Variants in TCF4 observed in about 807,000 individuals in gnomAD.
TCF4 encodes SL3-3 enhancer factor 2.
TCF4 carries 3 observed loss-of-function variants against 82.1 expected under a neutral mutation model. That is an observed-to-expected ratio of 0.04 (90% CI 0.02 to 0.09). TCF4 has a LOEUF of 0.09. Ranked by LOEUF, TCF4 falls within the 10% of genes least tolerant of loss-of-function variation. The probability of loss-of-function intolerance (pLI) is 1.00; values close to 1 mark genes in which losing one functional copy is unlikely to be tolerated. For synonymous variants in TCF4, 276 were observed against 309.6 expected (o/e 0.89, Z 1.14); for missense variants, 518 against 852.7 (o/e 0.61, Z 4.89).
chr18:55,320,207 G>A (rs2075152367), intron 8 of TCF4, among the ~76,000 whole-genome samples: 1 of 151,016 alleles, frequency 6.6e-6, no homozygotes, highest in South Asian at 2.1e-4. Flanking sequence ...AAAAAAAGAT[G>A]TTACATAATC....
At chr18:55,505,942 T>A (rs17512480) in intron 3 of TCF4, among the ~76,000 whole-genome samples, 3,515 of 152,280 alleles carry the variant, frequency 0.023, 74 homozygotes, top group Non-Finnish European at 0.028. Flanking sequence ...TAAAGATTAC[T>A]GCAAAAATGA....
intron 2 of TCF4, among the ~76,000 whole-genome samples, chr18:55,623,535 T>C (rs1284189618): frequency 6.6e-6 from 1 of 152,234 alleles, no homozygotes; most frequent in Admixed American, 6.5e-5. Context: ...CACAAATGAA[T>C]ACTATGTGAA....
intron 3 of TCF4, among the ~76,000 whole-genome samples, chr18:55,532,200 C>G (rs1049939741): frequency 1.3e-5 from 2 of 152,234 alleles, no homozygotes; most frequent in Non-Finnish European, 2.9e-5. Context: ...GCTTGTACTT[C>G]ATGAAGTGAA....
intron 16 of TCF4, 48 bp downstream of exon 16, chr18:55,234,500 T>C (rs775965526): frequency 6.2e-7 from 1 of 1,613,792 alleles, no homozygotes; most frequent in Non-Finnish European, 8.5e-7. Flanking sequence ...TCAACACTGG[T>C]CCTATTGTGA....
intron 2 of TCF4, among the ~76,000 whole-genome samples, chr18:55,619,980 G>C (rs1423668671): frequency 6.6e-6 from 1 of 152,128 alleles, no homozygotes; most frequent in Non-Finnish European, 1.5e-5. Context: ...GGAGAGACCA[G>C]GTGAAAGCAA....
At chr18:55,264,918 G>A (rs561997640) in intron 11 of TCF4, 1 of 152,288 alleles carries the variant, frequency 6.6e-6, no homozygotes, top group South Asian at 2.1e-4. Context: ...TTTGTAGGAG[G>A]CTTCGACACT....
At chr18:55,586,297 C>G (rs2097650691) in intron 2 of TCF4, 1 of 824,100 alleles carries the variant, frequency 1.2e-6, no homozygotes, top group Admixed American at 2.2e-5. Context: ...TTTTATTTTG[C>G]TTTACAAATG....
rs2046959372 is a variant in TCF4, at chr18:55,228,450, T to C, written c.1880-89A>G. 11 of 1,542,388 alleles carry C rather than the reference T, an allele frequency of 7.1e-6. No homozygotes were observed. In the Admixed American group the frequency reaches 1.7e-4, roughly 23 times the overall value. ...GCACTCTTCTTGCGTGTCTGACCTTTTTCTCAGTGTTTATATTACAGAACA... is the reference window on the plus strand; with the variant it reads ...GCACTCTTCTTGCGTGTCTGACCTTCTTCTCAGTGTTTATATTACAGAACA... On this transcript the variant is annotated intron_variant, in intron 18 of 19. Transcript: ENST00000354452.
rs140127902 is a variant in TCF4 at position 55,298,562 on chromosome 18, G to A, written c.550-18906C>T. Among the ~76,000 whole-genome samples, 390 of 152,274 alleles carry A rather than the reference G, an allele frequency of 2.6e-3. 3 individuals are homozygous for A. Among genetic ancestry groups the A allele is most frequent in the African/African-American group, 8.5e-3 (354 of 41,554 alleles). ...CTTCTCAGTATATCACTCTTCAAAC[G>A]TAGCTAATAGTGGCATGAGCAGCAA... On this transcript the variant is annotated intron_variant, in intron 8 of 19. Transcript: ENST00000354452.
intron 3 of TCF4, among the ~76,000 whole-genome samples, chr18:55,499,078 CA>C (rs1286450339): frequency 1.3e-5 from 2 of 152,116 alleles, no homozygotes; most frequent in African/African-American, 4.8e-5. Context: ...CCAAGAAATG[CA>C]AATGTTAGCC....
In TCF4 at chr18:55,500,940, TAAAG is replaced by T. The variant is rs148357140; in HGVS notation, c.146-36807_146-36804del. ...TGGATATTTGGGGAAAGACAAGTGA[TAAAG>T]AAACAGAAAAATTCTGACTCACTCT... On this transcript the variant is annotated intron_variant, in intron 3 of 19. Transcript: ENST00000354452. Among the ~76,000 whole-genome samples, 106 of 152,314 alleles carry T rather than the reference TAAAG, an allele frequency of 7.0e-4. 1 individual carries two copies. Among genetic ancestry groups the T allele is most frequent in the African/African-American group, 2.4e-3 (98 of 41,570 alleles).
At chr18:55,579,952 C>T (rs2097561147) in intron 3 of TCF4, among the ~76,000 whole-genome samples, 1 of 152,020 alleles carries the variant, frequency 6.6e-6, no homozygotes, top group South Asian at 2.1e-4. Flanking sequence ...GAGCAATTAA[C>T]AGCATAAACT....
At position 55,222,481 on chromosome 18, in the gene TCF4, GA is replaced by G. The variant is rs71670792; in HGVS notation, c.*5553del. The G allele has an allele frequency of 9.6e-3, 1,373 of 143,440 alleles. 24 individuals carry two copies. The highest frequency in any genetic ancestry group is 0.028 in the African/African-American group (1,093 of 38,642). The allele number at this position is 143,440 out of a possible 1,614,324, so 8.9% of individuals were successfully genotyped here. On this transcript the variant is annotated 3_prime_UTR_variant, in exon 20 of 20. Coordinates refer to ENST00000354452, the MANE Select transcript of TCF4 (RefSeq NM_001083962.2). ...ATCTGCAAACAGTCCAACCAAAAAC[GA>G]AAAAAAAAAAAATCCCAACATTTGG...
chr18:55,426,375 T>C (rs908034217), intron 5 of TCF4, among the ~76,000 whole-genome samples: 4 of 152,128 alleles, frequency 2.6e-5, no homozygotes, highest in Non-Finnish European at 4.4e-5. Flanking sequence ...ATCTACTTCT[T>C]TGGGGAAGAC....
chr18:55,626,663 G>A (rs1464582118), intron 2 of TCF4, among the ~76,000 whole-genome samples: 1 of 152,158 alleles, frequency 6.6e-6, no homozygotes, highest in Admixed American at 6.5e-5. Flanking sequence ...GCTTGACCAG[G>A]AGTGTAAAAG....
At chr18:55,635,563 G>A (rs1483121149) in intron 1 of TCF4, 19 of 1,067,664 alleles carry the variant, frequency 1.8e-5, no homozygotes, top group Non-Finnish European at 2.3e-5. Context: ...AAGAGGGCAG[G>A]CCAAGTGCTG....
At chr18:55,300,097 TATACAC>T (rs1568829850) in intron 8 of TCF4, among the ~76,000 whole-genome samples, 1 of 145,392 alleles carries the variant, frequency 6.9e-6, no homozygotes, top group Admixed American at 6.7e-5. Context: ...CACATACAGA[TATACAC>T]ACACACACAC....
At chr18:55,275,547 G>T in intron 10 of TCF4, 72 bp downstream of exon 10, 1 of 1,600,420 alleles carries the variant, frequency 6.2e-7, no homozygotes, top group South Asian at 1.1e-5. Flanking sequence ...TTGTGTATAT[G>T]CATGGAAAGA....
intron 3 of TCF4, among the ~76,000 whole-genome samples, chr18:55,567,623 G>A (rs2097421033): frequency 6.6e-6 from 1 of 151,942 alleles, no homozygotes; most frequent in African/African-American, 2.4e-5. Context: ...TGAGGAAGGA[G>A]AATTGCATGA....
Sources: gnomAD v4.1 joint callset for allele counts (sites outside exome capture counted in the v4.1 genomes callset) on GRCh38, gnomAD v4.1.1 for gene constraint, MANE v1.5 for transcripts, NCBI Gene and HGNC (gene_info 2026-07-23, HGNC 2026-07-21) for gene names.